The following NPFFR2 variants were observed in gnomAD, a reference collection of about 807,000 sequenced individuals.
The protein encoded by NPFFR2 is G-protein coupled receptor 74.
NPFFR2 carries 15 observed loss-of-function variants against 13.1 expected under a neutral mutation model. The observed-to-expected ratio is 1.15, with a 90% CI of 0.77 to 1.76. The LOEUF is 1.76. Among genes scored for constraint, NPFFR2 ranks in the 40% most tolerant of loss-of-function variants. The pLI, the probability that NPFFR2 is intolerant of heterozygous loss-of-function variation, is 0.00. For missense variants in NPFFR2, 572 were observed against 503.5 expected, an observed-to-expected ratio of 1.14 and a Z score of -1.30; for synonymous variants, 190 against 175.7, an observed-to-expected ratio of 1.08 and a Z score of -0.65.
intron 1 of NPFFR2, among the ~76,000 whole-genome samples, chr4:72,073,652 G>A (rs1180927465): frequency 6.6e-6 from 1 of 151,820 alleles, no homozygotes; most frequent in South Asian, 2.1e-4. Context: ...CTACATAATG[G>A]TAGAGATGAA....
chr4:72,135,763 G>A (rs976820724), intron 2 of NPFFR2, among the ~76,000 whole-genome samples: 13 of 150,274 alleles, frequency 8.7e-5, no homozygotes, highest in African/African-American at 3.2e-4. Flanking sequence ...TATGTTTGAG[G>A]TTTCCCTAGT....
intron 1 of NPFFR2, among the ~76,000 whole-genome samples, chr4:72,090,889 G>T (rs1720898980): frequency 6.6e-6 from 1 of 152,116 alleles, no homozygotes; most frequent in Non-Finnish European, 1.5e-5. Context: ...GGGCATCCTT[G>T]TCTTGTTTCA....
Position 72,137,958 on chromosome 4 carries a change from C to T in NPFFR2, c.329-82C>T, listed in dbSNP as rs537609811. 6.9e-5 allele frequency: 72 copies of T among 1,043,660 alleles called. No homozygotes were observed. The East Asian group carries it at 9.8e-4, about 14-fold the overall frequency. The allele number at this position is 1,043,660 out of a possible 1,614,324, so 64.6% of individuals were successfully genotyped here. On this transcript the variant is annotated intron_variant, in intron 2 of 3. Coordinates refer to ENST00000308744, the MANE Select transcript of NPFFR2 (RefSeq NM_004885.3). ...ATGTAGAAAACAGTTACATTAGTCT[C>T]GTTTCCACAACTTTCTATTTTCATT...
intron 1 of NPFFR2, among the ~76,000 whole-genome samples, chr4:72,114,517 C>T (rs1721654054): frequency 6.6e-6 from 1 of 151,990 alleles, no homozygotes; most frequent in East Asian, 1.9e-4. Context: ...CAAAAGTTTT[C>T]TTAGGATTTG....
chr4:72,147,012 C>T lies in NPFFR2; in HGVS notation c.463C>T (p.Leu155Phe). The T allele has an allele frequency of 6.2e-7, 1 of 1,613,784 alleles. No individual in the cohort carries two copies. Among genetic ancestry groups the T allele is most frequent in the South Asian group, 1.1e-5 (1 of 91,040 alleles). ...QCVVYPFKPK[L>F]TIKTAFVIIM... ...TGTGGTCTACCCTTTTAAACCAAAG[C>T]TCACTATCAAGACAGCGTTTGTCAT... The change falls in exon 4 of 4, where the codon CTC becomes TTC. Residue 155 changes from leucine to phenylalanine, a missense_variant. Coordinates refer to ENST00000308744, the MANE Select transcript of NPFFR2 (RefSeq NM_004885.3).
chr4:72,147,797 C>T lies in NPFFR2; in HGVS notation c.1248C>T (p.Asn416=). 1 of 1,570,662 alleles carries T rather than the reference C, an allele frequency of 6.4e-7. No individual in the cohort carries two copies. Residue 416 remains asparagine, a synonymous_variant, in exon 4 of 4, where the codon AAC becomes AAT. Transcript: ENST00000308744. ...TGGAAGAATTAAAAGAAACTACTAACAGCAGTGAGATTTAAAAAGAGCTAG... is the reference window on the plus strand; with the variant it reads ...TGGAAGAATTAAAAGAAACTACTAATAGCAGTGAGATTTAAAAAGAGCTAG... ...LVMEELKETT[N]SSEI
intron 3 of NPFFR2, among the ~76,000 whole-genome samples, chr4:72,143,107 A>G (rs1201955455): frequency 6.6e-6 from 1 of 152,200 alleles, no homozygotes; most frequent in African/African-American, 2.4e-5. Context: ...ATCCCTTAAG[A>G]CAAGTATATA....
At chr4:72,065,112 T>G (rs2109778325) in intron 1 of NPFFR2, among the ~76,000 whole-genome samples, 1 of 151,398 alleles carries the variant, frequency 6.6e-6, no homozygotes, top group East Asian at 1.9e-4. Flanking sequence ...AAACAAAGCT[T>G]ATGACAAAGG....
chr4:72,044,281 A>G (rs982021007), intron 1 of NPFFR2, among the ~76,000 whole-genome samples: 2 of 152,186 alleles, frequency 1.3e-5, no homozygotes, highest in African/African-American at 2.4e-5. Context: ...AATACAGCCA[A>G]TGTCAAGAAA....
chr4:72,068,394 TA>T (rs2109781158), intron 1 of NPFFR2, among the ~76,000 whole-genome samples: 1 of 152,316 alleles, frequency 6.6e-6, no homozygotes, highest in East Asian at 1.9e-4. Context: ...GCTATTTTTA[TA>T]AAAGGCTTAG....
At chr4:72,035,813 AC>A (rs1396557743) in intron 1 of NPFFR2, among the ~76,000 whole-genome samples, 2 of 152,192 alleles carry the variant, frequency 1.3e-5, no homozygotes, top group East Asian at 3.9e-4. Flanking sequence ...TATATTTCTT[AC>A]TTTTTTTCTT....
At chr4:72,038,973 C>A (rs1220535565) in intron 1 of NPFFR2, among the ~76,000 whole-genome samples, 1 of 126,118 alleles carries the variant, frequency 7.9e-6, no homozygotes, top group Non-Finnish European at 1.6e-5. Flanking sequence ...GGCGCAATCT[C>A]GGCTCACTGC....
At chr4:72,046,200 G>C (rs1401355107) in intron 1 of NPFFR2, among the ~76,000 whole-genome samples, 1 of 152,096 alleles carries the variant, frequency 6.6e-6, no homozygotes, top group African/African-American at 2.4e-5. Flanking sequence ...TCCTGCTTCA[G>C]CACTGTAAAA....
At chr4:72,045,356 A>C (rs1441398154) in intron 1 of NPFFR2, among the ~76,000 whole-genome samples, 1 of 152,138 alleles carries the variant, frequency 6.6e-6, no homozygotes, top group Non-Finnish European at 1.5e-5. Context: ...GAGTATTTCC[A>C]CGTTCTCTAT....
chr4:72,040,999 T>G (rs1001286208), intron 1 of NPFFR2, among the ~76,000 whole-genome samples: 1 of 151,676 alleles, frequency 6.6e-6, no homozygotes, highest in Non-Finnish European at 1.5e-5. Flanking sequence ...TTTTAAAAAA[T>G]TTTTAACTTA....
chr4:72,109,896 A>C (rs897220919), intron 1 of NPFFR2, among the ~76,000 whole-genome samples: 5 of 152,088 alleles, frequency 3.3e-5, no homozygotes, highest in African/African-American at 7.2e-5. Flanking sequence ...AAGTGACATA[A>C]TCCAGAAACT....
intron 1 of NPFFR2, among the ~76,000 whole-genome samples, chr4:72,099,970 AT>A (rs1721193575): frequency 6.6e-6 from 1 of 152,154 alleles, no homozygotes; most frequent in Non-Finnish European, 1.5e-5. Flanking sequence ...ACCTTCAGAC[AT>A]ATGGGAATAT....
chr4:72,090,257 G>T (rs1255006094), intron 1 of NPFFR2, among the ~76,000 whole-genome samples: 1 of 152,142 alleles, frequency 6.6e-6, no homozygotes, highest in Non-Finnish European at 1.5e-5. Context: ...CAGGTAATGT[G>T]ATGCCTCCAG....
chr4:72,071,920 G>T (rs538274015), intron 1 of NPFFR2, among the ~76,000 whole-genome samples: 1 of 152,134 alleles, frequency 6.6e-6, no homozygotes, highest in Non-Finnish European at 1.5e-5. Flanking sequence ...CTAGCTCATT[G>T]AAAAGAAACC....
Sources: gnomAD v4.1 joint callset for allele counts (sites outside exome capture counted in the v4.1 genomes callset) on GRCh38, gnomAD v4.1.1 for gene constraint, MANE v1.5 for transcripts, NCBI Gene and HGNC (gene_info 2026-07-23, HGNC 2026-07-21) for gene names.